FLT1: variants seen among roughly 807,000 people sequenced by gnomAD.
The protein encoded by FLT1 is fms related receptor tyrosine kinase 1, also known as vascular endothelial growth factor receptor 1.
In FLT1, 49 loss-of-function variants were observed where a neutral mutation model predicts 156.3. That is an observed-to-expected ratio of 0.31 (90% CI 0.25 to 0.40). FLT1 has a LOEUF of 0.40. Ranked by LOEUF, FLT1 falls within the 10% of genes least tolerant of loss-of-function variation. The pLI is 1.00. For synonymous variants in FLT1, 594 were observed against 583.8 expected, an observed-to-expected ratio of 1.02 and a Z score of -0.25; for missense variants, 1,322 against 1,637.2, an observed-to-expected ratio of 0.81 and a Z score of 3.32.
In FLT1 at chr13:28,345,501, C is replaced by T. The variant is rs775829545; in HGVS notation, c.2299G>A (p.Val767Met). The T allele has an allele frequency of 1.2e-6, 2 of 1,613,456 alleles. No individual in the cohort carries two copies. The highest frequency in any genetic ancestry group is 4.5e-5 in the East Asian group (2 of 44,888). The change falls in exon 16 of 30, where the codon GTG becomes ATG. Residue 767 changes from valine (V) to methionine (M), a missense_variant. Around this residue, in one of 3 missense-constraint regions of FLT1, gnomAD observed 991 missense variants for 1,254.8 expected, o/e 0.79. Coordinates refer to ENST00000282397, the MANE Select transcript of FLT1 (RefSeq NM_002019.4). ...AGGAGCCAGAAGAGAGTCGCAGCCA[C>T]ACAGGTGCATGTTAGAGTGATCAGC... ...LELITLTCTCVAATLFWLLLT... is the reference protein window; with the variant it reads ...LELITLTCTCMAATLFWLLLT...
chr13:28,427,713 C>T (rs770597806), intron 9 of FLT1, 39 bp downstream of exon 9: 1 of 1,574,924 alleles, frequency 6.3e-7, no homozygotes, highest in Non-Finnish European at 8.7e-7. Context: ...TAATTTGTTG[C>T]CTACCAGAAC....
At chr13:28,345,175 ACT>A (rs2138858627) in intron 16 of FLT1, among the ~76,000 whole-genome samples, 1 of 151,762 alleles carries the variant, frequency 6.6e-6, no homozygotes, top group African/African-American at 2.4e-5. Flanking sequence ...GACTTTAAAG[ACT>A]CTATTAACAT....
At chr13:28,389,613 G>A in intron 13 of FLT1, 183 bp downstream of exon 13, 1 of 1,461,636 alleles carries the variant, frequency 6.8e-7, no homozygotes, top group South Asian at 1.5e-5. Flanking sequence ...CTCATTTTGG[G>A]AGGAGCATCT....
At chr13:28,440,454 G>T in intron 3 of FLT1, among the ~76,000 whole-genome samples, 1 of 152,180 alleles carries the variant, frequency 6.6e-6, no homozygotes, top group Non-Finnish European at 1.5e-5. Context: ...TCTCTTGAAG[G>T]CCCCCATAGA....
At chr13:28,323,007 A>T in intron 20 of FLT1, 61 bp from the exon 21 acceptor site, 1 of 1,572,310 alleles carries the variant, frequency 6.4e-7, no homozygotes, top group Non-Finnish European at 8.8e-7. Flanking sequence ...GTGGGAAACC[A>T]GTCCCTCAAC....
intron 29 of FLT1, among the ~76,000 whole-genome samples, chr13:28,305,274 A>G (rs1870695123): frequency 6.6e-6 from 1 of 152,072 alleles, no homozygotes; most frequent in South Asian, 2.1e-4. Context: ...CCCAGGCTAG[A>G]GTGTAGTGGT....
rs771076463 is a variant in FLT1, at chr13:28,384,868, A to C, written c.2116+17T>G. The C allele has an allele frequency of 6.2e-7, 1 of 1,606,950 alleles. No individual in the cohort carries two copies. Among genetic ancestry groups the C allele is most frequent in the South Asian group, 1.1e-5 (1 of 90,928 alleles). ...AAAGATGAGAAATAATAAATGGAAGAAAAAAAAGTCTCTTACCAGGCTCTT... is the reference window on the plus strand; with the variant it reads ...AAAGATGAGAAATAATAAATGGAAGCAAAAAAAGTCTCTTACCAGGCTCTT... On this transcript the variant is annotated intron_variant, in intron 14 of 29. Transcript: ENST00000282397.
intron 2 of FLT1, 86 bp from the exon 3 acceptor site, chr13:28,467,215 A>G: frequency 3.0e-6 from 3 of 1,007,672 alleles, no homozygotes; most frequent in South Asian, 2.5e-5. Flanking sequence ...TTTATTAGGA[A>G]GCGGAGGTCC....
intron 13 of FLT1, chr13:28,387,209 C>G (rs1018016896): frequency 1.5e-4 from 153 of 1,038,440 alleles, no homozygotes; most frequent in Non-Finnish European, 1.7e-4. Context: ...ATACAAGGTT[C>G]ACATAAACAC....
chr13:28,326,365 G>A (rs1205679807), intron 20 of FLT1, among the ~76,000 whole-genome samples: 1 of 152,084 alleles, frequency 6.6e-6, no homozygotes, highest in Admixed American at 6.6e-5. Context: ...CACTACATGG[G>A]TTCATCACCA....
intron 14 of FLT1, among the ~76,000 whole-genome samples, chr13:28,375,782 C>T (rs1873814319): frequency 1.3e-5 from 2 of 152,212 alleles, no homozygotes; most frequent in African/African-American, 4.8e-5. Flanking sequence ...GTAGAGCAGC[C>T]AGCTCACCCT....
intron 14 of FLT1, among the ~76,000 whole-genome samples, chr13:28,358,700 A>G (rs1872998266): frequency 6.6e-6 from 1 of 152,226 alleles, no homozygotes; most frequent in Non-Finnish European, 1.5e-5. Flanking sequence ...AATTCCTACC[A>G]AACACACACA....
At chr13:28,393,734 G>A (rs560058794) in intron 12 of FLT1, among the ~76,000 whole-genome samples, 4 of 152,242 alleles carry the variant, frequency 2.6e-5, no homozygotes, top group Admixed American at 1.3e-4. Flanking sequence ...ATACAGGCAC[G>A]TGCCAGCAGG....
At chr13:28,404,054 A>AAAAAAG (rs1555235426) in intron 11 of FLT1, among the ~76,000 whole-genome samples, 1 of 151,488 alleles carries the variant, frequency 6.6e-6, no homozygotes. Context: ...AAAAAAAAAA[A>AAAAAAG]AAAGAAAGAA....
At chr13:28,304,539 G>C (rs1427594278) in intron 29 of FLT1, among the ~76,000 whole-genome samples, 1 of 151,866 alleles carries the variant, frequency 6.6e-6, no homozygotes, top group Non-Finnish European at 1.5e-5. Context: ...GCTTTATGGA[G>C]ATATAATTTA....
At chr13:28,376,112 A>G (rs1178174639) in intron 14 of FLT1, among the ~76,000 whole-genome samples, 1 of 152,178 alleles carries the variant, frequency 6.6e-6, no homozygotes, top group Non-Finnish European at 1.5e-5. Flanking sequence ...ATCACTTGAT[A>G]ATTCAGAGGT....
intron 15 of FLT1, among the ~76,000 whole-genome samples, chr13:28,355,303 G>A (rs1191460039): frequency 6.6e-6 from 1 of 152,162 alleles, no homozygotes; most frequent in Admixed American, 6.5e-5. Context: ...TTCTTACAAG[G>A]TTAATAGGAT....
chr13:28,387,300 A>G, intron 13 of FLT1: 1 of 1,045,014 alleles, frequency 9.6e-7, no homozygotes, highest in Non-Finnish European at 1.2e-6. Flanking sequence ...ACTTTTGGCT[A>G]GTTTCTAAAT....
Position 28,432,686 on chromosome 13 carries a change from A to G in FLT1, c.813+1133T>C, listed in dbSNP as rs192305072. On this transcript the variant is annotated intron_variant, in intron 6 of 29. Coordinates refer to ENST00000282397, the MANE Select transcript of FLT1 (RefSeq NM_002019.4). ...CACAGTACTGGAGCACAAATACGGG[A>G]TATTTCCATCACAGAAAGTTCTGCT... 2.6e-5 allele frequency among the ~76,000 whole-genome samples: 4 copies of G among 152,350 alleles called. No individual in the cohort carries two copies. In the East Asian group the frequency reaches 7.7e-4, roughly 29 times the overall value.
Sources: allele counts gnomAD v4.1 joint callset (sites outside exome capture counted in the v4.1 genomes callset), GRCh38; gene constraint gnomAD v4.1.1; regional missense constraint gnomAD v4.1.1; transcripts MANE v1.5; gene names NCBI Gene and HGNC (gene_info 2026-07-23, HGNC 2026-07-21).